The following DAB1 variants were observed in gnomAD, a reference collection of about 807,000 sequenced individuals.
DAB1 encodes disabled homolog 1.
DAB1 carries 15 observed loss-of-function variants against 64.6 expected under a neutral mutation model. That is an observed-to-expected ratio of 0.23 (90% CI 0.16 to 0.36). DAB1 has a LOEUF of 0.36. Among genes scored for constraint, DAB1 ranks in the 10% least tolerant of loss-of-function variants. The pLI, the probability that DAB1 is intolerant of heterozygous loss-of-function variation, is 1.00. For synonymous variants in DAB1, 235 were observed against 251.9 expected, an observed-to-expected ratio of 0.93 and a Z score of 0.64; for missense variants, 596 against 706.7, an observed-to-expected ratio of 0.84 and a Z score of 1.78.
At chr1:58,433,462 G>A (rs769641704) in intron 3 of DAB1, among the ~76,000 whole-genome samples, 9 of 151,956 alleles carry the variant, frequency 5.9e-5, no homozygotes, top group Non-Finnish European at 1.0e-4. Flanking sequence ...TTGGCTCATG[G>A]TTCTGGAGCA....
chr1:57,989,112 G>A (rs1187996), intron 5 of DAB1, among the ~76,000 whole-genome samples: 61,276 of 151,922 alleles, frequency 0.4, 12,917 homozygotes, highest in East Asian at 0.77. Flanking sequence ...CCTTGGACAA[G>A]TTACTTAACT....
At chr1:58,538,951 G>C in intron 1 of DAB1, 1 of 872,852 alleles carries the variant, frequency 1.1e-6, no homozygotes, top group Non-Finnish European at 2.0e-6. Context: ...ACTAGGGACT[G>C]CTGTAACTTC....
chr1:58,257,918 C>G (rs1037975388), intron 4 of DAB1, among the ~76,000 whole-genome samples: 6 of 152,172 alleles, frequency 3.9e-5, no homozygotes, highest in African/African-American at 1.2e-4. Flanking sequence ...TACACTTGAT[C>G]TTGATCTTCT....
At chr1:58,095,388 T>C (rs147460518) in intron 5 of DAB1, among the ~76,000 whole-genome samples, 1,678 of 152,306 alleles carry the variant, frequency 0.011, 9 homozygotes, top group Non-Finnish European at 0.015. Flanking sequence ...ATCCGCATTC[T>C]ACAGATAAGG....
At chr1:58,510,735 C>CA (rs892401056) in intron 2 of DAB1, among the ~76,000 whole-genome samples, 56 of 150,094 alleles carry the variant, frequency 3.7e-4, no homozygotes, top group African/African-American at 1.1e-3. Flanking sequence ...TCCACACACA[C>CA]AAAAAAAAAC....
At chr1:57,996,301 T>A (rs1646424349) in intron 5 of DAB1, among the ~76,000 whole-genome samples, 1 of 152,076 alleles carries the variant, frequency 6.6e-6, no homozygotes. Flanking sequence ...CATTCAGAAT[T>A]GTGATGAGAA....
At chr1:57,658,876 G>A (rs1254064143) in intron 6 of DAB1, among the ~76,000 whole-genome samples, 1 of 152,046 alleles carries the variant, frequency 6.6e-6, no homozygotes, top group Non-Finnish European at 1.5e-5. Flanking sequence ...TCTTTGCTTT[G>A]CTCTTAATAT....
chr1:58,316,578 G>A (rs1662563311), intron 4 of DAB1, among the ~76,000 whole-genome samples: 1 of 152,080 alleles, frequency 6.6e-6, no homozygotes, highest in Non-Finnish European at 1.5e-5. Flanking sequence ...AGAGGAGTAT[G>A]GTGAGTAGTG....
intron 9 of DAB1, among the ~76,000 whole-genome samples, chr1:57,054,607 AG>A (rs1161075693): frequency 6.6e-6 from 1 of 150,530 alleles, no homozygotes; most frequent in African/African-American, 2.4e-5. Flanking sequence ...CCTCCCGAGT[AG>A]CTGGGACTGC....
intron 3 of DAB1, among the ~76,000 whole-genome samples, chr1:58,378,816 G>T: frequency 9.2e-6 from 1 of 108,920 alleles, no homozygotes; most frequent in African/African-American, 4.6e-5. Flanking sequence ...AGACTGCTGT[G>T]CTAGCAATCA....
At position 58,350,289 on chromosome 1, in the gene DAB1, T is replaced by A. The variant is rs534784688; in HGVS notation, n.258-6886A>T. Among the ~76,000 whole-genome samples the A allele has an allele frequency of 2.0e-3, 298 of 152,322 alleles. 1 individual carries two copies. The highest frequency in any genetic ancestry group is 7.0e-3 in the African/African-American group (291 of 41,564). ...ATGTCTGCTCATATCCTCTGCACACTTTTTGATGGGGTTGTTTGTTTTTCT... is the reference window on the plus strand; with the variant it reads ...ATGTCTGCTCATATCCTCTGCACACATTTTGATGGGGTTGTTTGTTTTTCT... On this transcript the variant is annotated intron_variant and non_coding_transcript_variant, in intron 3 of 20. Coordinates refer to the DAB1 transcript ENST00000485760.
chr1:58,492,504 T>C (rs1389309591), intron 3 of DAB1, among the ~76,000 whole-genome samples: 3 of 151,880 alleles, frequency 2.0e-5, no homozygotes, highest in Non-Finnish European at 4.4e-5. Flanking sequence ...ATCAACAAAA[T>C]TGATAGACCA....
chr1:57,414,868 T>C (rs1320179555), intron 1 of DAB1, among the ~76,000 whole-genome samples: 1 of 152,092 alleles, frequency 6.6e-6, no homozygotes, highest in Non-Finnish European at 1.5e-5. Context: ...ACTAAATAAA[T>C]GGAAAGAGTT....
At chr1:57,773,944 T>C (rs1481573585) in intron 6 of DAB1, among the ~76,000 whole-genome samples, 1 of 152,042 alleles carries the variant, frequency 6.6e-6, no homozygotes, top group Non-Finnish European at 1.5e-5. Flanking sequence ...CCTCCAATTT[T>C]GTTAATCTTT....
chr1:58,491,745 G>C (rs1460393299), intron 3 of DAB1, among the ~76,000 whole-genome samples: 1 of 152,138 alleles, frequency 6.6e-6, no homozygotes, highest in Non-Finnish European at 1.5e-5. Context: ...CCCAATACAG[G>C]AGCACCCAGA....
chr1:57,078,184 C>T (rs1379327903), intron 4 of DAB1, among the ~76,000 whole-genome samples: 3 of 152,194 alleles, frequency 2.0e-5, no homozygotes, highest in Non-Finnish European at 2.9e-5. Flanking sequence ...GAGTGAAGTG[C>T]TCCCTGGGTT....
At chr1:57,345,280 A>G (rs190576181) in intron 1 of DAB1, among the ~76,000 whole-genome samples, 56 of 152,314 alleles carry the variant, frequency 3.7e-4, no homozygotes, top group Middle Eastern at 3.4e-3. Flanking sequence ...CTCTCCTGGC[A>G]CATTACCTAG....
chr1:57,023,348 A>T (rs964074572), intron 11 of DAB1, among the ~76,000 whole-genome samples, 183 bp downstream of exon 11: 1 of 152,220 alleles, frequency 6.6e-6, no homozygotes, highest in Non-Finnish European at 1.5e-5. Context: ...CCAGGCCAGT[A>T]ACATCCCAGA....
At chr1:58,405,768 A>G (rs1383953245) in intron 3 of DAB1, among the ~76,000 whole-genome samples, 2 of 152,250 alleles carry the variant, frequency 1.3e-5, no homozygotes, top group African/African-American at 4.8e-5. Flanking sequence ...GTGAGTGGAC[A>G]AATGAACATT....
Sources: gnomAD v4.1 joint callset for allele counts (sites outside exome capture counted in the v4.1 genomes callset) on GRCh38, gnomAD v4.1.1 for gene constraint, MANE v1.5 for transcripts, NCBI Gene and HGNC (gene_info 2026-07-23, HGNC 2026-07-21) for gene names.